The following RDX variants were observed in gnomAD, a reference collection of about 807,000 sequenced individuals.
RDX encodes the protein deafness, autosomal recessive 24.
In RDX, 32 loss-of-function variants were observed where a neutral mutation model predicts 83.7. That is an observed-to-expected ratio of 0.38 (90% CI 0.29 to 0.51). The LOEUF (loss-of-function observed/expected upper bound fraction) is 0.51, where lower values mean the gene tolerates loss of function less well. Among genes scored for constraint, RDX ranks in the 20% least tolerant of loss-of-function variants. The pLI, the probability that RDX is intolerant of heterozygous loss-of-function variation, is 0.87. For synonymous variants in RDX, 229 were observed against 222.7 expected, an observed-to-expected ratio of 1.03 and a Z score of -0.25; for missense variants, 600 against 689.9, an observed-to-expected ratio of 0.87 and a Z score of 1.46.
rs766805678 is a variant in RDX at position 110,257,764 on chromosome 11, T to C, written c.698+3A>G. ...TAGTTCACTATGCAACTAATTTACT[T>C]ACTTGTCGTCATGCTCATAAATATT... On this transcript the variant is annotated splice_donor_region_variant and intron_variant, in intron 7 of 13. Coordinates refer to ENST00000645495, the MANE Select transcript of RDX (RefSeq NM_002906.4). The C allele has an allele frequency of 6.2e-7, 1 of 1,611,620 alleles. No individual in the cohort carries two copies. The highest frequency in any genetic ancestry group is 8.5e-7 in the Non-Finnish European group (1 of 1,179,596).
chr11:110,216,549 T>TC (rs1179216818), intron 14 of RDX, among the ~76,000 whole-genome samples: 3 of 149,700 alleles, frequency 2.0e-5, no homozygotes, highest in Non-Finnish European at 4.4e-5. Flanking sequence ...TTCTTTTTTT[T>TC]TTTTTTTAAA....
intron 1 of RDX, among the ~76,000 whole-genome samples, chr11:110,291,546 A>G (rs991124457): frequency 2.6e-5 from 4 of 151,976 alleles, no homozygotes; most frequent in Non-Finnish European, 5.9e-5. Context: ...ATTCCTTTGG[A>G]TACTGCCCTG....
At chr11:110,263,125 A>C (rs1318869070) in intron 5 of RDX, among the ~76,000 whole-genome samples, 1 of 152,050 alleles carries the variant, frequency 6.6e-6, no homozygotes, top group Non-Finnish European at 1.5e-5. Flanking sequence ...AAATACAAAA[A>C]TTAGCTGGGC....
intron 9 of RDX, among the ~76,000 whole-genome samples, chr11:110,251,537 A>G (rs1859341807): frequency 6.6e-6 from 1 of 152,202 alleles, no homozygotes; most frequent in Admixed American, 6.5e-5. Context: ...AGAGGAGTCA[A>G]GCCCAGATTT....
At chr11:110,292,032 C>G (rs1004048247) in intron 1 of RDX, among the ~76,000 whole-genome samples, 1 of 151,988 alleles carries the variant, frequency 6.6e-6, no homozygotes, top group Non-Finnish European at 1.5e-5. Flanking sequence ...GTGGTTCACA[C>G]CTGTAATCCC....
intron 15 of RDX, among the ~76,000 whole-genome samples, chr11:110,190,570 T>C (rs576039206): frequency 1.3e-5 from 2 of 152,044 alleles, no homozygotes; most frequent in South Asian, 2.1e-4. Flanking sequence ...ACCCCCAAAC[T>C]AGCAGGAGAA....
At chr11:110,190,203 G>GC (rs1306442973) in intron 15 of RDX, among the ~76,000 whole-genome samples, 2 of 152,228 alleles carry the variant, frequency 1.3e-5, no homozygotes, top group Non-Finnish European at 2.9e-5. Flanking sequence ...TCTTTGGAAG[G>GC]CCAAGGTGGG....
intron 15 of RDX, among the ~76,000 whole-genome samples, chr11:110,193,621 C>G (rs1863145790): frequency 6.6e-6 from 1 of 152,172 alleles, no homozygotes. Context: ...GAAAATTATG[C>G]TACTCCTTTC....
intron 3 of RDX, among the ~76,000 whole-genome samples, chr11:110,268,269 A>G (rs1860140088): frequency 6.6e-6 from 1 of 151,408 alleles, no homozygotes; most frequent in South Asian, 2.1e-4. Flanking sequence ...CTATCGCACC[A>G]CTGTACTCCA....
chr11:110,179,924 CAG>C (rs1400280552), intron 15 of RDX: 3 of 304,164 alleles, frequency 9.9e-6, no homozygotes, highest in East Asian at 1.2e-4. Flanking sequence ...TTTTTTGAGA[CAG>C]AGTTTCCCTT....
chr11:110,236,055 A>G, intron 12 of RDX, 44 bp downstream of exon 12: 1 of 1,331,938 alleles, frequency 7.5e-7, no homozygotes, highest in Non-Finnish European at 1.1e-6. Flanking sequence ...AATCCTGGGT[A>G]TAAAAGCTAT....
At chr11:110,256,671 T>C (rs1028783093) in intron 7 of RDX, among the ~76,000 whole-genome samples, 3 of 152,060 alleles carry the variant, frequency 2.0e-5, no homozygotes, top group Non-Finnish European at 4.4e-5. Context: ...GGCCAGGAGT[T>C]CAAGACCAGC....
intron 5 of RDX, among the ~76,000 whole-genome samples, chr11:110,262,591 GA>G (rs5794681): frequency 0.75 from 109,935 of 146,204 alleles, 40,851 homozygotes; most frequent in East Asian, 0.83. Flanking sequence ...CCATCTCAAA[GA>G]AAAAAAAAAA....
chr11:110,184,884 T>C (rs575778524), intron 15 of RDX, among the ~76,000 whole-genome samples: 1 of 152,318 alleles, frequency 6.6e-6, no homozygotes, highest in South Asian at 2.1e-4. Flanking sequence ...ATCTACCTGT[T>C]AGAGTTTGAG....
At chr11:110,199,431 T>C (rs1408064001) in intron 15 of RDX, 3 of 605,322 alleles carry the variant, frequency 5.0e-6, no homozygotes, top group African/African-American at 1.8e-5. Context: ...AGGTTGCTCT[T>C]GGTCAGTTCC....
chr11:110,289,738 G>A (rs926213091), intron 1 of RDX, among the ~76,000 whole-genome samples: 5 of 150,888 alleles, frequency 3.3e-5, no homozygotes, highest in African/African-American at 1.2e-4. Flanking sequence ...CCAACACGGC[G>A]AAACTCCGTC....
intron 10 of RDX, among the ~76,000 whole-genome samples, chr11:110,240,528 G>A (rs1166751450): frequency 6.6e-6 from 1 of 151,050 alleles, no homozygotes; most frequent in South Asian, 2.1e-4. Flanking sequence ...CGGATCACGA[G>A]GTCAGGAGAT....
intron 1 of RDX, among the ~76,000 whole-genome samples, chr11:110,295,683 G>A (rs1861424802): frequency 6.8e-6 from 1 of 147,026 alleles, no homozygotes; most frequent in South Asian, 2.1e-4. Flanking sequence ...CCCTTTCAAA[G>A]TTAGTCCGGG....
At chr11:110,204,736 C>T (rs756204929) in intron 14 of RDX, among the ~76,000 whole-genome samples, 10 of 152,000 alleles carry the variant, frequency 6.6e-5, no homozygotes, top group Non-Finnish European at 1.3e-4. Flanking sequence ...AGGCTGGTCT[C>T]GATCTCCTGA....
Sources: allele counts gnomAD v4.1 joint callset (sites outside exome capture counted in the v4.1 genomes callset), GRCh38; gene constraint gnomAD v4.1.1; transcripts MANE v1.5; gene names NCBI Gene and HGNC (gene_info 2026-07-23, HGNC 2026-07-21).